Variants in ELOVL7 observed in about 807,000 individuals in gnomAD.
The protein encoded by ELOVL7 is very long chain fatty acid elongase 7.
A neutral mutation model predicts 35.7 loss-of-function variants in ELOVL7; 27 were observed. The observed-to-expected ratio is 0.76, with a 90% CI of 0.56 to 1.04. The LOEUF is 1.04. ELOVL7 is among the 50% of genes least tolerant of loss of function. The pLI is 0.00. For missense variants in ELOVL7, 327 were observed against 340.8 expected (o/e 0.96, Z 0.32); for synonymous variants, 113 against 114.6 (o/e 0.99, Z 0.09).
intron 1 of ELOVL7, among the ~76,000 whole-genome samples, chr5:60,816,461 T>C (rs189669599): frequency 4.0e-5 from 6 of 151,806 alleles, no homozygotes; most frequent in Admixed American, 1.3e-4. Flanking sequence ...CCTGAATAGA[T>C]TGGGATCAAT....
At chr5:60,787,907 A>C (rs1277243196) in intron 2 of ELOVL7, among the ~76,000 whole-genome samples, 1 of 152,234 alleles carries the variant, frequency 6.6e-6, no homozygotes, top group Admixed American at 6.5e-5. Context: ...TTATAATTTA[A>C]GTAGAATAGA....
chr5:60,757,727 A>G (rs1328749873), intron 7 of ELOVL7, 82 bp from the exon 8 acceptor site: 1 of 1,292,462 alleles, frequency 7.7e-7, no homozygotes, highest in African/African-American at 1.5e-5. Flanking sequence ...ATTTTTGTAT[A>G]ATTATTTCTT....
chr5:60,776,821 C>A (rs1742931171), intron 3 of ELOVL7, among the ~76,000 whole-genome samples: 1 of 152,044 alleles, frequency 6.6e-6, no homozygotes, highest in Non-Finnish European at 1.5e-5. Flanking sequence ...CAGCATCAGA[C>A]AATATAGCCT....
intron 7 of ELOVL7, among the ~76,000 whole-genome samples, chr5:60,758,424 A>C (rs1309434148): frequency 6.6e-6 from 1 of 152,190 alleles, no homozygotes; most frequent in Non-Finnish European, 1.5e-5. Flanking sequence ...ACTCTCAATA[A>C]TCTTCATTAA....
chr5:60,823,943 C>A (rs1330048353), intron 1 of ELOVL7, among the ~76,000 whole-genome samples: 1 of 152,188 alleles, frequency 6.6e-6, no homozygotes, highest in Admixed American at 6.5e-5. Flanking sequence ...GACTGGAAAC[C>A]ATGAACTGAT....
intron 1 of ELOVL7, among the ~76,000 whole-genome samples, chr5:60,837,314 G>GC (rs1579949033): frequency 9.6e-6 from 1 of 104,050 alleles, no homozygotes; most frequent in African/African-American, 4.0e-5. Context: ...GGGCGGGGGG[G>GC]TGGGGGGGGA....
At chr5:60,786,561 C>T (rs992251257) in intron 3 of ELOVL7, among the ~76,000 whole-genome samples, 7 of 152,104 alleles carry the variant, frequency 4.6e-5, no homozygotes, top group Non-Finnish European at 7.3e-5. Flanking sequence ...ATATCAGAAT[C>T]ACTCGGAGGT....
intron 1 of ELOVL7, among the ~76,000 whole-genome samples, chr5:60,804,007 T>A (rs534944004): frequency 6.6e-6 from 1 of 152,298 alleles, no homozygotes; most frequent in South Asian, 2.1e-4. Context: ...TAATTCAGAT[T>A]CCATTTCTGT....
chr5:60,811,898 A>AT (rs1745256044), intron 1 of ELOVL7, among the ~76,000 whole-genome samples: 1 of 152,216 alleles, frequency 6.6e-6, no homozygotes, highest in Admixed American at 6.5e-5. Flanking sequence ...TTAATCTAAG[A>AT]TAAATTATAG....
chr5:60,784,969 C>T (rs1187400316), intron 3 of ELOVL7, among the ~76,000 whole-genome samples: 1 of 152,164 alleles, frequency 6.6e-6, no homozygotes, highest in African/African-American at 2.4e-5. Context: ...ACTTCCGAAA[C>T]AGCAGAGCAC....
chr5:60,835,453 C>T (rs1174120199), intron 1 of ELOVL7, among the ~76,000 whole-genome samples: 1 of 151,804 alleles, frequency 6.6e-6, no homozygotes, highest in South Asian at 2.1e-4. Flanking sequence ...ACTCTGTCAT[C>T]GAGGCTGAAG....
intron 1 of ELOVL7, among the ~76,000 whole-genome samples, chr5:60,814,530 C>T (rs184259409): frequency 1.8e-4 from 27 of 152,306 alleles, no homozygotes; most frequent in African/African-American, 6.0e-4. Context: ...ATAACAATAA[C>T]GCCCACTAAC....
At chr5:60,780,640 G>A (rs1482158673) in intron 3 of ELOVL7, among the ~76,000 whole-genome samples, 2 of 152,130 alleles carry the variant, frequency 1.3e-5, no homozygotes, top group African/African-American at 2.4e-5. Flanking sequence ...TTGCTGGGGA[G>A]GCCTCAGGAA....
chr5:60,791,325 GT>G (rs1743923858), intron 2 of ELOVL7, among the ~76,000 whole-genome samples: 1 of 152,078 alleles, frequency 6.6e-6, no homozygotes, highest in South Asian at 2.1e-4. Context: ...CAATTTATGG[GT>G]ACATACAGAC....
intron 1 of ELOVL7, among the ~76,000 whole-genome samples, chr5:60,823,935 C>T (rs773520035): frequency 7.2e-5 from 11 of 152,178 alleles, no homozygotes; most frequent in Admixed American, 6.5e-4. Flanking sequence ...TGAGACAAGA[C>T]TGGAAACCAT....
At chr5:60,843,982 G>C (rs1424204128) in intron 1 of ELOVL7, among the ~76,000 whole-genome samples, 178 bp downstream of exon 1, 2 of 152,058 alleles carry the variant, frequency 1.3e-5, no homozygotes, top group Non-Finnish European at 2.9e-5. Flanking sequence ...GGGAGGGCCT[G>C]GCCCCGCTCC....
At chr5:60,761,022 T>C (rs908798813) in intron 7 of ELOVL7, among the ~76,000 whole-genome samples, 4 of 141,566 alleles carry the variant, frequency 2.8e-5, no homozygotes, top group Admixed American at 2.0e-4. Flanking sequence ...GATTATTTTC[T>C]GACAAGCTAT....
chr5:60,826,343 G>A (rs1746169847), intron 1 of ELOVL7, among the ~76,000 whole-genome samples: 1 of 151,680 alleles, frequency 6.6e-6, no homozygotes, highest in Non-Finnish European at 1.5e-5. Context: ...AGATACACCT[G>A]CCCAGATACA....
intron 1 of ELOVL7, among the ~76,000 whole-genome samples, chr5:60,803,746 A>G (rs1178897379): frequency 6.6e-6 from 1 of 152,208 alleles, no homozygotes; most frequent in African/African-American, 2.4e-5. Context: ...CCATCCCCCA[A>G]TAACAATGAC....
Sources: allele counts gnomAD v4.1 joint callset (sites outside exome capture counted in the v4.1 genomes callset), GRCh38; gene constraint gnomAD v4.1.1; transcripts MANE v1.5; gene names NCBI Gene and HGNC (gene_info 2026-07-23, HGNC 2026-07-21).